CNTNAP2: variants seen among roughly 807,000 people sequenced by gnomAD.
CNTNAP2 encodes contactin-associated protein-like 2.
Under a neutral mutation model 155.2 loss-of-function variants are expected in CNTNAP2, and 98 were observed. That is an observed-to-expected ratio of 0.63 (90% confidence interval 0.54 to 0.75). The LOEUF is 0.75. CNTNAP2 is among the 30% of genes least tolerant of loss of function. The pLI, the probability that CNTNAP2 is intolerant of heterozygous loss-of-function variation, is 0.00. For synonymous variants in CNTNAP2, 651 were observed against 631.2 expected (o/e 1.03, Z -0.47); for missense variants, 1,727 against 1,688.1 (o/e 1.02, Z -0.40).
chr7:146,658,599 G>A (rs577762553), intron 1 of CNTNAP2, among the ~76,000 whole-genome samples: 144 of 152,286 alleles, frequency 9.5e-4, no homozygotes, highest in African/African-American at 3.3e-3. Context: ...TGCTTTATGA[G>A]GGACATTGAA....
At chr7:146,632,635 G>A (rs962752539) in intron 1 of CNTNAP2, among the ~76,000 whole-genome samples, 1 of 151,868 alleles carries the variant, frequency 6.6e-6, no homozygotes, top group East Asian at 1.9e-4. Context: ...ATAACGTAGA[G>A]TAACATTTAC....
chr7:146,753,858 A>C (rs1299631556), intron 1 of CNTNAP2, among the ~76,000 whole-genome samples: 3 of 152,050 alleles, frequency 2.0e-5, no homozygotes, highest in Admixed American at 6.6e-5. Flanking sequence ...ACATAGGATA[A>C]AATTCCATGC....
intron 4 of CNTNAP2, among the ~76,000 whole-genome samples, chr7:147,048,158 T>C (rs1799403348): frequency 6.8e-6 from 1 of 146,174 alleles, no homozygotes; most frequent in South Asian, 2.2e-4. Flanking sequence ...CACTGCAAGC[T>C]CTGCCTCCCG....
At chr7:146,435,186 T>A (rs1481859390) in intron 1 of CNTNAP2, among the ~76,000 whole-genome samples, 3 of 152,214 alleles carry the variant, frequency 2.0e-5, no homozygotes, top group African/African-American at 7.2e-5. Flanking sequence ...ATATAAAATC[T>A]GAAATTCAGA....
At chr7:146,128,096 T>A (rs1003237698) in intron 1 of CNTNAP2, among the ~76,000 whole-genome samples, 8 of 152,192 alleles carry the variant, frequency 5.3e-5, no homozygotes, top group African/African-American at 1.2e-4. Flanking sequence ...TTCACAATGA[T>A]CCCTGCAGTG....
At chr7:146,686,967 A>T (rs2129170885) in intron 1 of CNTNAP2, among the ~76,000 whole-genome samples, 2 of 152,228 alleles carry the variant, frequency 1.3e-5, no homozygotes, top group South Asian at 4.2e-4. Context: ...TGTTGATGAT[A>T]TTTCTTTAAT....
chr7:147,268,224 A>G (rs1294507626), intron 8 of CNTNAP2, among the ~76,000 whole-genome samples: 1 of 152,184 alleles, frequency 6.6e-6, no homozygotes, highest in African/African-American at 2.4e-5. Context: ...ATGTATGTAC[A>G]TCCTCTTTTT....
chr7:147,202,795 AG>A (rs1434757041), intron 8 of CNTNAP2, among the ~76,000 whole-genome samples: 1 of 151,844 alleles, frequency 6.6e-6, no homozygotes, highest in Non-Finnish European at 1.5e-5. Flanking sequence ...CAGGGCCTGT[AG>A]GGGGGTAGGG....
chr7:147,119,715 G>A (rs945381460), intron 5 of CNTNAP2, among the ~76,000 whole-genome samples: 21 of 151,500 alleles, frequency 1.4e-4, no homozygotes, highest in Non-Finnish European at 2.7e-4. Flanking sequence ...AAGGGAGAAA[G>A]GAAGGAAGGA....
intron 21 of CNTNAP2, among the ~76,000 whole-genome samples, chr7:148,337,454 A>T (rs1798140319): frequency 6.6e-6 from 1 of 152,180 alleles, no homozygotes; most frequent in African/African-American, 2.4e-5. Context: ...ACAGCCCTGG[A>T]TCTAGCGAGA....
At chr7:146,842,988 C>A (rs1304603253) in intron 3 of CNTNAP2, among the ~76,000 whole-genome samples, 3 of 77,170 alleles carry the variant, frequency 3.9e-5, no homozygotes, top group Non-Finnish European at 8.1e-5. Flanking sequence ...CCCGGCCTGT[C>A]CCACACTTTT....
chr7:146,240,027 A>G (rs1799534184), intron 1 of CNTNAP2, among the ~76,000 whole-genome samples: 1 of 152,204 alleles, frequency 6.6e-6, no homozygotes, highest in Non-Finnish European at 1.5e-5. Context: ...TAACATCAGA[A>G]TATCTTATAT....
chr7:147,360,601 G>A (rs1010081047), intron 9 of CNTNAP2, among the ~76,000 whole-genome samples: 1 of 151,308 alleles, frequency 6.6e-6, no homozygotes, highest in African/African-American at 2.4e-5. Context: ...TATATCCTCA[G>A]TGTACCACAT....
chr7:147,383,877 G>A (rs700298), intron 9 of CNTNAP2, among the ~76,000 whole-genome samples: 21,247 of 151,700 alleles, frequency 0.14, 1,669 homozygotes, highest in East Asian at 0.32. Flanking sequence ...CACAAACACA[G>A]CCCCCCCAAC....
At chr7:146,294,957 C>T (rs969242648) in intron 1 of CNTNAP2, among the ~76,000 whole-genome samples, 6 of 152,148 alleles carry the variant, frequency 3.9e-5, no homozygotes, top group African/African-American at 1.2e-4. Flanking sequence ...TACTTTTAGC[C>T]ATTAACCAAT....
intron 11 of CNTNAP2, among the ~76,000 whole-genome samples, chr7:147,557,893 G>GA (rs892419912): frequency 6.6e-6 from 1 of 152,158 alleles, no homozygotes; most frequent in African/African-American, 2.4e-5. Flanking sequence ...TTTTACAGTT[G>GA]AAAAAACCAC....
At chr7:146,927,589 A>G (rs745701111) in intron 3 of CNTNAP2, among the ~76,000 whole-genome samples, 81 of 152,156 alleles carry the variant, frequency 5.3e-4, no homozygotes, top group Non-Finnish European at 2.9e-4. Flanking sequence ...AAGATATACA[A>G]TATTACTCCT....
At chr7:148,158,080 C>G (rs184262341) in intron 17 of CNTNAP2, among the ~76,000 whole-genome samples, 1 of 152,112 alleles carries the variant, frequency 6.6e-6, no homozygotes, top group Non-Finnish European at 1.5e-5. Flanking sequence ...CAAAGGATAG[C>G]CCCTTCCCAC....
chr7:146,541,733 G>T (rs1797956250), intron 1 of CNTNAP2, among the ~76,000 whole-genome samples: 1 of 151,956 alleles, frequency 6.6e-6, no homozygotes, highest in African/African-American at 2.4e-5. Context: ...CATACAAGCT[G>T]AGGCTTCCTT....
Sources: gnomAD v4.1 joint callset for allele counts (sites outside exome capture counted in the v4.1 genomes callset) on GRCh38, gnomAD v4.1.1 for gene constraint, MANE v1.5 for transcripts, NCBI Gene and HGNC (gene_info 2026-07-23, HGNC 2026-07-21) for gene names.